The following SLC2A9 variants were observed in gnomAD, a reference collection of about 807,000 sequenced individuals.
SLC2A9 encodes solute carrier family 2 member 9, also known as solute carrier family 2, facilitated glucose transporter member 9.
Under a neutral mutation model 50.6 loss-of-function variants are expected in SLC2A9, and 39 were observed. That is an observed-to-expected ratio of 0.77 (90% CI 0.60 to 1.01). SLC2A9 has a LOEUF of 1.01. Among genes scored for constraint, SLC2A9 ranks in the 50% least tolerant of loss-of-function variants. The probability of loss-of-function intolerance (pLI) is 0.00; values close to 1 mark genes in which losing one functional copy is unlikely to be tolerated. For missense variants in SLC2A9, 686 were observed against 677.6 expected (o/e 1.01, Z -0.14); for synonymous variants, 324 against 276.9 (o/e 1.17, Z -1.69).
intron 9 of SLC2A9, among the ~76,000 whole-genome samples, chr4:9,888,738 C>T (rs895257920): frequency 2.6e-5 from 4 of 151,368 alleles, no homozygotes; most frequent in East Asian, 1.9e-4. Context: ...GCACCATCGG[C>T]GGGGGGGTAA....
At chr4:9,997,030 A>G in intron 2 of SLC2A9, 89 bp from the exon 3 acceptor site, 1 of 1,496,354 alleles carries the variant, frequency 6.7e-7, no homozygotes. Context: ...CAGCTTGTAC[A>G]GAGCATTTTC....
At chr4:9,933,356 C>A (rs1746481545) in intron 6 of SLC2A9, among the ~76,000 whole-genome samples, 2 of 152,274 alleles carry the variant, frequency 1.3e-5, no homozygotes, top group South Asian at 4.1e-4. Flanking sequence ...TGGGACTGAG[C>A]CCTTTCTCCT....
rs971714092 is a variant in SLC2A9, at chr4:9,908,120, C to T, written c.1113+115G>A. The stretch of plus-strand genomic sequence containing the variant: ...GCTGAATGATAGGAAACCACATTGT[C>T]CTAATTGATGAATTCTGATGGGGAA... On this transcript the variant is annotated intron_variant, in intron 8 of 11. Transcript: ENST00000264784. The T allele has an allele frequency of 5.1e-6, 4 of 790,336 alleles. 1 individual carries two copies. The highest frequency in any genetic ancestry group is 3.6e-5 in the Admixed American group (2 of 55,562). The allele number at this position is 790,336 out of a possible 1,614,324, so 49.0% of individuals were successfully genotyped here. A position where few individuals can be genotyped will look rare whatever the true frequency, so the allele number is the denominator to read the frequency against.
chr4:9,772,307 A>C (rs1716928813), intron 1 of SLC2A9, among the ~76,000 whole-genome samples: 1 of 152,226 alleles, frequency 6.6e-6, no homozygotes, highest in Admixed American at 6.5e-5. Context: ...TGAATCAATG[A>C]TAGCTTCCAT....
At chr4:9,876,828 T>G (rs1734385840) in intron 10 of SLC2A9, among the ~76,000 whole-genome samples, 1 of 152,228 alleles carries the variant, frequency 6.6e-6, no homozygotes, top group Admixed American at 6.5e-5. Flanking sequence ...CTGGAGTTAA[T>G]TCTCACCTTC....
At chr4:9,872,388 A>T (rs1733584787) in intron 10 of SLC2A9, among the ~76,000 whole-genome samples, 1 of 152,166 alleles carries the variant, frequency 6.6e-6, no homozygotes, top group Non-Finnish European at 1.5e-5. Context: ...AAAAGCAAAG[A>T]CTGGTAAATG....
intron 3 of SLC2A9, among the ~76,000 whole-genome samples, chr4:9,810,000 A>T (rs73092434): frequency 4.6e-5 from 7 of 152,132 alleles, no homozygotes; most frequent in African/African-American, 1.7e-4. Flanking sequence ...TTCTTATATT[A>T]TTCTTCTCTG....
intron 11 of SLC2A9, among the ~76,000 whole-genome samples, chr4:9,831,558 A>C (rs1726147114): frequency 1.3e-5 from 2 of 152,320 alleles, no homozygotes; most frequent in African/African-American, 4.8e-5. Flanking sequence ...TGTCTGTAAA[A>C]GGTATAACTG....
chr4:10,038,940 G>C (rs1365913871), intron 1 of SLC2A9, among the ~76,000 whole-genome samples: 2 of 152,190 alleles, frequency 1.3e-5, no homozygotes, highest in African/African-American at 2.4e-5. Flanking sequence ...TCTCATCTAA[G>C]CTAGCCATGG....
At chr4:9,908,451 T>A in intron 7 of SLC2A9, 106 bp from the exon 8 acceptor site, 1 of 773,926 alleles carries the variant, frequency 1.3e-6, no homozygotes, top group African/African-American at 1.7e-5. Flanking sequence ...AAACTCAGAG[T>A]CCCAAGGTGG....
chr4:9,891,247 C>T lies in SLC2A9; in HGVS notation c.1114-536G>A, dbSNP rs370999244. Among the ~76,000 whole-genome samples the T allele has an allele frequency of 5.3e-5, 8 of 152,156 alleles. No individual in the cohort carries two copies. The East Asian group carries it at 9.6e-4, about 18-fold the overall frequency. ...GGGGAAGTCCCTAAAGCTGTGTCCT[C>T]GAAGCCAGCTTCCCTCGGCCTAGGA... is the stretch of plus-strand genomic sequence containing the variant. On this transcript the variant is annotated intron_variant, in intron 8 of 11. Coordinates refer to ENST00000264784, the MANE Select transcript of SLC2A9 (RefSeq NM_020041.3).
At chr4:10,005,090 T>G (rs1044615818) in intron 2 of SLC2A9, among the ~76,000 whole-genome samples, 2 of 152,246 alleles carry the variant, frequency 1.3e-5, no homozygotes, top group African/African-American at 2.4e-5. Context: ...TAGATACAAA[T>G]TCTGCTGTTT....
chr4:9,797,178 A>C (rs141989960), downstream of SLC2A9, among the ~76,000 whole-genome samples: 11 of 152,268 alleles, frequency 7.2e-5, no homozygotes, highest in South Asian at 2.1e-4. Flanking sequence ...TTCACTACAG[A>C]CTGTGGTCAC....
chr4:10,025,833 G>C, upstream of SLC2A9: 1 of 1,483,452 alleles, frequency 6.7e-7, no homozygotes, highest in Admixed American at 1.7e-5. Context: ...ACTGACCCAG[G>C]GGAAAGGGGT....
chr4:10,027,393 C>A (rs1211864556), intron 1 of SLC2A9, among the ~76,000 whole-genome samples: 1 of 152,168 alleles, frequency 6.6e-6, no homozygotes, highest in Non-Finnish European at 1.5e-5. Flanking sequence ...TGTTTACCAC[C>A]CCATTTTCCT....
At chr4:9,835,150 C>A (rs1369133815) in intron 10 of SLC2A9, 142 bp from the exon 11 acceptor site, 2 of 1,158,998 alleles carry the variant, frequency 1.7e-6, no homozygotes, top group East Asian at 2.5e-5. Context: ...TCCTGAGTCG[C>A]CCTGGTGGCA....
At chr4:9,963,930 G>C (rs540659999) in intron 5 of SLC2A9, among the ~76,000 whole-genome samples, 1 of 152,160 alleles carries the variant, frequency 6.6e-6, no homozygotes, top group African/African-American at 2.4e-5. Flanking sequence ...CACCCAACAC[G>C]CTTGTTAATT....
rs115680229 is a variant in SLC2A9 at position 9,807,324 on chromosome 4, C to A, written n.421-8083G>T. 5.4e-3 allele frequency among the ~76,000 whole-genome samples: 821 copies of A among 152,284 alleles called. 6 individuals carry two copies. Among genetic ancestry groups the A allele is most frequent in the African/African-American group, 0.018 (762 of 41,564 alleles). ...TATTTCTTCTAGAATGCCCTTTCTT[C>A]CTTGTTTATCTCATAGATCCCTATG... is the stretch of plus-strand genomic sequence containing the variant. On this transcript the variant is annotated intron_variant and non_coding_transcript_variant, in intron 3 of 3. Transcript: ENST00000503280.
chr4:9,802,914 A>T (rs1288418498), intron 3 of SLC2A9, among the ~76,000 whole-genome samples: 5 of 152,074 alleles, frequency 3.3e-5, no homozygotes, highest in Non-Finnish European at 7.4e-5. Context: ...TCCCAATTGT[A>T]CTCTATCACA....
Sources: allele counts gnomAD v4.1 joint callset (sites outside exome capture counted in the v4.1 genomes callset), GRCh38; gene constraint gnomAD v4.1.1; transcripts MANE v1.5; gene names NCBI Gene and HGNC (gene_info 2026-07-23, HGNC 2026-07-21).